CXADR: variants seen among roughly 807,000 people sequenced by gnomAD.
CXADR encodes the protein CXADR cell adhesion molecule, also known as coxsackievirus and adenovirus receptor.
In CXADR, 20 loss-of-function variants were observed where a neutral mutation model predicts 40.3. That is an observed-to-expected ratio of 0.50 (90% CI 0.35 to 0.72). The LOEUF is 0.72. Among genes scored for constraint, CXADR ranks in the 30% least tolerant of loss-of-function variants. The probability of loss-of-function intolerance (pLI) is 0.01; values close to 1 mark genes in which losing one functional copy is unlikely to be tolerated. For synonymous variants in CXADR, 150 were observed against 161.3 expected (o/e 0.93, Z 0.53); for missense variants, 332 against 449.1 (o/e 0.74, Z 2.36).
In CXADR at chr21:17,551,929, A is replaced by G; in HGVS notation, c.391A>G (p.Lys131Glu). The G allele has an allele frequency of 6.2e-7, 1 of 1,613,706 alleles. No individual in the cohort carries two copies. The highest frequency in any genetic ancestry group is 8.5e-7 in the Non-Finnish European group (1 of 1,179,654). The change falls in exon 3 of 7, where the codon AAG (lysine) becomes GAG (glutamate). Residue 131 changes from lysine (K) to glutamate (E), a missense_variant. By Grantham distance (56) the Lys-to-Glu change is moderately conservative. Transcript: ENST00000284878. ...GAAAAAAGCTCCTGGTGTTGCAAAT[A>G]AGAAGATTCATCTGGTAGTTCTTGG... is the stretch of plus-strand genomic sequence containing the variant. ...KVKKAPGVAN[K>E]KIHLVVLVKP...
intron 1 of CXADR, among the ~76,000 whole-genome samples, chr21:17,533,735 A>C (rs2060707396): frequency 6.6e-6 from 1 of 152,146 alleles, no homozygotes; most frequent in African/African-American, 2.4e-5. Flanking sequence ...CCCCATTTCT[A>C]TTCCAGTTTA....
chr21:17,631,644 T>TA, the CXADR span, among the ~76,000 whole-genome samples: 1 of 152,190 alleles, frequency 6.6e-6, no homozygotes, highest in Non-Finnish European at 1.5e-5. Context: ...TTCGTTCTCT[T>TA]AGAGACCTGG....
chr21:17,599,886 C>G, the CXADR span, among the ~76,000 whole-genome samples: 2 of 152,032 alleles, frequency 1.3e-5, no homozygotes, highest in Non-Finnish European at 2.9e-5. Context: ...AAAAAGGGGG[C>G]CTGTTATTTA....
At chr21:17,616,167 C>T in the CXADR span, among the ~76,000 whole-genome samples, 2 of 150,966 alleles carry the variant, frequency 1.3e-5, no homozygotes, top group Non-Finnish European at 2.9e-5. Context: ...AGGAGAATGG[C>T]TTGAACCTGG....
chr21:17,598,628 G>T, the CXADR span: 1 of 1,613,860 alleles, frequency 6.2e-7, no homozygotes, highest in Non-Finnish European at 8.5e-7. Context: ...TGGTACACAG[G>T]ACTTGCGGCT....
At chr21:17,611,478 T>C in the CXADR span, among the ~76,000 whole-genome samples, 1 of 152,154 alleles carries the variant, frequency 6.6e-6, no homozygotes, top group South Asian at 2.1e-4. Context: ...TGGACTTTTG[T>C]TTTCCCCGTT....
At chr21:17,621,717 G>T in the CXADR span, among the ~76,000 whole-genome samples, 1 of 152,222 alleles carries the variant, frequency 6.6e-6, no homozygotes, top group East Asian at 1.9e-4. Context: ...TCTAGAGGAC[G>T]CATCTCTCAC....
chr21:17,552,516 A>G (rs1468502859), intron 3 of CXADR, among the ~76,000 whole-genome samples: 2 of 152,216 alleles, frequency 1.3e-5, no homozygotes, highest in African/African-American at 2.4e-5. Flanking sequence ...TAAACTGCCA[A>G]AGACTACAGA....
chr21:17,575,052 A>T (rs2849903), downstream of CXADR, among the ~76,000 whole-genome samples: 12 of 20,970 alleles, frequency 5.7e-4, no homozygotes, highest in African/African-American at 8.7e-4. Flanking sequence ...TACATACATA[A>T]GGGTTGATAT....
rs149108133 is a variant in CXADR at position 17,541,572 on chromosome 21, A to G, written c.44-5455A>G. Among the ~76,000 whole-genome samples, 484 of 147,838 alleles carry G rather than the reference A, an allele frequency of 3.3e-3. 1 individual carries two copies. The highest frequency in any genetic ancestry group is 8.7e-3 in the Admixed American group (130 of 14,862). ...GACTCTGTCTCAAAAAAAAAATCCT[A>G]TGTTCCACCTATTCTCCTCTTCCCT... is the stretch of plus-strand genomic sequence containing the variant. On this transcript the variant is annotated intron_variant, in intron 1 of 6. Transcript: ENST00000284878.
chr21:17,588,857 AT>A (rs1316596316), intron 7 of CXADR, among the ~76,000 whole-genome samples: 25 of 152,010 alleles, frequency 1.6e-4, no homozygotes, highest in African/African-American at 5.1e-4. Context: ...TAAAATTATG[AT>A]TTCTATTGAC....
intron 3 of CXADR, among the ~76,000 whole-genome samples, chr21:17,557,511 T>C (rs2123293227): frequency 6.6e-6 from 1 of 152,350 alleles, no homozygotes; most frequent in East Asian, 1.9e-4. Flanking sequence ...CTAGTCAATC[T>C]GATTTTGATA....
the CXADR span, among the ~76,000 whole-genome samples, chr21:17,616,213 T>G: frequency 6.6e-6 from 1 of 151,082 alleles, no homozygotes; most frequent in Non-Finnish European, 1.5e-5. Context: ...ATCATCGTGC[T>G]CTGCACTCCA....
downstream of CXADR, among the ~76,000 whole-genome samples, chr21:17,596,872 A>G (rs909701182): frequency 1.3e-5 from 2 of 152,110 alleles, no homozygotes; most frequent in South Asian, 4.1e-4. Context: ...GATATGAATA[A>G]TTCTTTATCC....
At chr21:17,583,102 A>G (rs2061372224) in intron 7 of CXADR, among the ~76,000 whole-genome samples, 1 of 152,198 alleles carries the variant, frequency 6.6e-6, no homozygotes, top group Non-Finnish European at 1.5e-5. Context: ...CAAGGAGGGG[A>G]CATTTTATGT....
At chr21:17,587,500 G>A (rs1800378423) in intron 7 of CXADR, among the ~76,000 whole-genome samples, 1 of 152,136 alleles carries the variant, frequency 6.6e-6, no homozygotes, top group South Asian at 2.1e-4. Flanking sequence ...GTGATGATGA[G>A]CATTTTTTCA....
chr21:17,605,392 G>A, the CXADR span, among the ~76,000 whole-genome samples: 95 of 152,226 alleles, frequency 6.2e-4, no homozygotes, highest in African/African-American at 2.1e-3. Flanking sequence ...TGTTTCAGAT[G>A]GTATTTGGAA....
chr21:17,598,985 G>A, the CXADR span: 1 of 539,134 alleles, frequency 1.9e-6, no homozygotes, highest in African/African-American at 1.9e-5. Context: ...ACAGCTCAAT[G>A]CCAGCAAGCA....
chr21:17,609,867 C>T, the CXADR span, among the ~76,000 whole-genome samples: 1 of 151,718 alleles, frequency 6.6e-6, no homozygotes, highest in Non-Finnish European at 1.5e-5. Flanking sequence ...TATGGGTGAA[C>T]CTTGAACACA....
Sources: gnomAD v4.1 joint callset for allele counts (sites outside exome capture counted in the v4.1 genomes callset) on GRCh38, gnomAD v4.1.1 for gene constraint, MANE v1.5 for transcripts, NCBI Gene and HGNC (gene_info 2026-07-23, HGNC 2026-07-21) for gene names.